Variants in LYN observed in about 807,000 individuals in gnomAD.
The protein encoded by LYN is tyrosine-protein kinase Lyn.
In LYN, 12 loss-of-function variants were observed where a neutral mutation model predicts 65.0. The ratio of observed to expected loss-of-function variants is 0.18; its 90% CI spans 0.12 to 0.30. The LOEUF is 0.30. Among genes scored for constraint, LYN ranks in the 10% least tolerant of loss-of-function variants. LYN has a pLI of 1.00. For synonymous variants in LYN, 222 were observed against 221.2 expected (o/e 1.00, Z -0.03); for missense variants, 380 against 623.2 (o/e 0.61, Z 4.16).
intron 4 of LYN, among the ~76,000 whole-genome samples, chr8:55,949,703 C>T (rs971373300): frequency 2.6e-5 from 4 of 152,152 alleles, no homozygotes; most frequent in African/African-American, 9.7e-5. Flanking sequence ...GTGTTGTGAA[C>T]ATTCAAAACC....
At chr8:55,892,560 T>G (rs932415802) in intron 1 of LYN, among the ~76,000 whole-genome samples, 2 of 152,168 alleles carry the variant, frequency 1.3e-5, no homozygotes, top group African/African-American at 4.8e-5. Flanking sequence ...TTCTTTTTTT[T>G]GAGGCAGGGT....
intron 1 of LYN, among the ~76,000 whole-genome samples, chr8:55,905,687 C>T (rs146251736): frequency 6.6e-6 from 1 of 152,132 alleles, no homozygotes; most frequent in Non-Finnish European, 1.5e-5. Flanking sequence ...ACTTAAGAGG[C>T]CTATGGGATG....
At chr8:55,917,188 A>AG (rs796445992) in intron 1 of LYN, among the ~76,000 whole-genome samples, 82 of 151,108 alleles carry the variant, frequency 5.4e-4, no homozygotes, top group African/African-American at 1.6e-3. Context: ...AAAAAAAAAA[A>AG]AGAGAGAGAG....
intron 1 of LYN, among the ~76,000 whole-genome samples, chr8:55,930,322 C>A (rs765033199): frequency 2.0e-5 from 3 of 152,110 alleles, no homozygotes; most frequent in Non-Finnish European, 4.4e-5. Flanking sequence ...ATAATAATTT[C>A]TATTATGTTA....
At chr8:55,898,993 T>A (rs1420148975) in intron 1 of LYN, among the ~76,000 whole-genome samples, 1 of 49,690 alleles carries the variant, frequency 2.0e-5, no homozygotes, top group Non-Finnish European at 4.4e-5. Context: ...CTGGGCTAAT[T>A]TTTTTTATTT....
chr8:55,909,048 CACA>C (rs538395553), intron 1 of LYN, among the ~76,000 whole-genome samples: 2,923 of 61,564 alleles, frequency 0.047, 316 homozygotes, highest in East Asian at 0.12. Flanking sequence ...CACACACACA[CACA>C]CCCCACATTT....
chr8:55,909,972 T>C (rs1805550247), intron 1 of LYN, among the ~76,000 whole-genome samples: 1 of 108,248 alleles, frequency 9.2e-6, no homozygotes, highest in South Asian at 3.1e-4. Context: ...AATGGGGTTG[T>C]TTGTGTGTGT....
intron 1 of LYN, among the ~76,000 whole-genome samples, chr8:55,918,617 A>G (rs1446974780): frequency 3.3e-5 from 5 of 152,176 alleles, no homozygotes; most frequent in African/African-American, 1.2e-4. Context: ...TGTTGACCAG[A>G]GCCCTCCCAG....
chr8:55,969,760 G>GC lies in LYN; in HGVS notation c.1018dup (p.Leu340ProfsTer7). ...TGAAGAGCGATGAAGGTGGCAAAGT[G>GC]CTGCTTCCAAAGCTCATTGACTTTT... On this transcript the variant is annotated frameshift_variant, in exon 10 of 13. Coordinates refer to ENST00000519728, the MANE Select transcript of LYN (RefSeq NM_002350.4). LOFTEE classifies it high-confidence loss of function. The GC allele has an allele frequency of 6.2e-7, 1 of 1,614,176 alleles. No individual in the cohort carries two copies. The highest frequency in any genetic ancestry group is 8.5e-7 in the Non-Finnish European group (1 of 1,180,006).
rs142873245 is a variant in LYN, at chr8:56,004,578, G to A, written c.1336+5029G>A. Among the ~76,000 whole-genome samples the A allele has an allele frequency of 6.5e-3, 983 of 152,230 alleles. 11 individuals carry two copies. The highest frequency in any genetic ancestry group is 0.023 in the African/African-American group (941 of 41,536). The stretch of plus-strand genomic sequence containing the variant: ...CAAAGTGCAGGGATTACAGGCATGA[G>A]CCACCGTGTGCAGCCACAAAAAGAC... On this transcript the variant is annotated intron_variant, in intron 12 of 12. Coordinates refer to ENST00000519728, the MANE Select transcript of LYN (RefSeq NM_002350.4).
At chr8:55,986,373 G>A (rs1007925348) in intron 10 of LYN, among the ~76,000 whole-genome samples, 2 of 152,084 alleles carry the variant, frequency 1.3e-5, no homozygotes, top group African/African-American at 2.4e-5. Context: ...ATCTATCTTC[G>A]GGGTAGTACA....
At chr8:55,882,953 C>A (rs982118374) in intron 1 of LYN, among the ~76,000 whole-genome samples, 1 of 152,048 alleles carries the variant, frequency 6.6e-6, no homozygotes, top group Non-Finnish European at 1.5e-5. Flanking sequence ...CCCAATAAAC[C>A]CAATCGTAAG....
intron 1 of LYN, among the ~76,000 whole-genome samples, chr8:55,939,100 A>AC (rs1394067926): frequency 6.6e-6 from 1 of 152,190 alleles, no homozygotes; most frequent in Non-Finnish European, 1.5e-5. Flanking sequence ...TATTTTCTAC[A>AC]TTTCTGGTAC....
At chr8:55,991,051 G>A (rs9650314) in intron 10 of LYN, among the ~76,000 whole-genome samples, 22,296 of 152,128 alleles carry the variant, frequency 0.15, 2,201 homozygotes, top group Middle Eastern at 0.23. Flanking sequence ...GAGACACGCC[G>A]GCAGTACTAC....
chr8:55,896,985 C>T (rs746249590), intron 1 of LYN, among the ~76,000 whole-genome samples: 1 of 152,178 alleles, frequency 6.6e-6, no homozygotes, highest in African/African-American at 2.4e-5. Context: ...GGTGATCCGC[C>T]TGCCTTGGCC....
chr8:55,970,000 C>A (rs1319805966), intron 10 of LYN, among the ~76,000 whole-genome samples: 2 of 152,206 alleles, frequency 1.3e-5, no homozygotes, highest in Admixed American at 1.3e-4. Context: ...TGAGTTTTGA[C>A]CTGGATATCA....
At chr8:55,899,425 C>T (rs762888380) in intron 1 of LYN, among the ~76,000 whole-genome samples, 2 of 152,040 alleles carry the variant, frequency 1.3e-5, no homozygotes, top group Non-Finnish European at 2.9e-5. Context: ...AACATAATGT[C>T]CTTGACTTTA....
chr8:55,928,155 G>A (rs1264389202), intron 1 of LYN, among the ~76,000 whole-genome samples: 3 of 152,100 alleles, frequency 2.0e-5, no homozygotes, highest in South Asian at 2.1e-4. Flanking sequence ...TGGTTTGTTC[G>A]TTTTGTTTGA....
intron 1 of LYN, among the ~76,000 whole-genome samples, chr8:55,921,663 C>T (rs1805951373): frequency 6.6e-6 from 1 of 152,006 alleles, no homozygotes; most frequent in Admixed American, 6.6e-5. Flanking sequence ...TGCCACCGTG[C>T]CAATTAGGAG....
Sources: gnomAD v4.1 joint callset for allele counts (sites outside exome capture counted in the v4.1 genomes callset) on GRCh38, gnomAD v4.1.1 for gene constraint, MANE v1.5 for transcripts, NCBI Gene and HGNC (gene_info 2026-07-23, HGNC 2026-07-21) for gene names.